PARD6B: variants seen among roughly 807,000 people sequenced by gnomAD.
PARD6B encodes the protein par-6 family cell polarity regulator beta.
Under a neutral mutation model 10.5 loss-of-function variants are expected in PARD6B, and 4 were observed. The observed-to-expected ratio is 0.38, with a 90% CI of 0.19 to 0.87. PARD6B has a LOEUF of 0.87. Among genes scored for constraint, PARD6B ranks in the 40% least tolerant of loss-of-function variants. PARD6B has a pLI of 0.41. For missense variants in PARD6B, 396 were observed against 470.6 expected (o/e 0.84, Z 1.47); for synonymous variants, 169 against 170.4 (o/e 0.99, Z 0.07).
Position 50,751,295 on chromosome 20 carries a change from T to C in PARD6B, c.*807T>C. ...TTTGTTTTTTTATGTTCCTTTCTAATAAATTGTAACAAATGATGTTCTCAA... is the reference window on the plus strand; with the variant it reads ...TTTGTTTTTTTATGTTCCTTTCTAACAAATTGTAACAAATGATGTTCTCAA... On this transcript the variant is annotated 3_prime_UTR_variant, in exon 3 of 3. Transcript: ENST00000371610. The C allele has an allele frequency of 1.0e-6, 1 of 965,338 alleles. No individual in the cohort carries two copies. Among genetic ancestry groups the C allele is most frequent in the Non-Finnish European group, 1.2e-6 (1 of 812,458 alleles). The allele number at this position is 965,338 out of a possible 1,614,324, so 59.8% of individuals were successfully genotyped here. A position where few individuals can be genotyped will look rare whatever the true frequency, so the allele number is the denominator to read the frequency against.
Position 50,749,998 on chromosome 20 carries a change from C to T in PARD6B, c.629C>T (p.Ala210Val), listed in dbSNP as rs781111513. The change falls in exon 3 of 3, where the codon GCT becomes GTT. Residue 210 changes from alanine (A) to valine (V), a missense_variant. Physicochemically the swap from Ala to Val is moderately conservative, Grantham distance 64 (BLOSUM62 0). This residue lies in a region of PARD6B where 208 missense variants were observed against 300.9 expected (regional missense o/e 0.69). Coordinates refer to ENST00000371610, the MANE Select transcript of PARD6B (RefSeq NM_032521.3). ...CTGGCTCAAAGTACAGGACTATTAG[C>T]TGTTAATGATGAAGTTTTAGAAGTT... ...GGLAQSTGLLAVNDEVLEVNG... is the reference protein window; with the variant it reads ...GGLAQSTGLLVVNDEVLEVNG... 1.2e-6 allele frequency: 2 copies of T among 1,614,158 alleles called. No individual in the cohort carries two copies. Among genetic ancestry groups the T allele is most frequent in the Non-Finnish European group, 1.7e-6 (2 of 1,180,032 alleles).
chr20:50,751,124 C>T lies in PARD6B; in HGVS notation c.*636C>T. ...AGCTGGGACCATAGGCACATACCAC[C>T]ACATCTGTCTACTTTTTGTATTTTT... On this transcript the variant is annotated 3_prime_UTR_variant, in exon 3 of 3. Coordinates refer to ENST00000371610, the MANE Select transcript of PARD6B (RefSeq NM_032521.3). The T allele has an allele frequency of 1.9e-6, 1 of 533,994 alleles. No individual in the cohort carries two copies. Among genetic ancestry groups the T allele is most frequent in the Non-Finnish European group, 2.4e-6 (1 of 418,754 alleles). The allele number at this position is 533,994 out of a possible 1,614,324, so 33.1% of individuals were successfully genotyped here.
chr20:50,736,219 A>C (rs1162728234), intron 1 of PARD6B, among the ~76,000 whole-genome samples: 1 of 152,234 alleles, frequency 6.6e-6, no homozygotes, highest in African/African-American at 2.4e-5. Flanking sequence ...TAGATAGAGC[A>C]AAACCAGTGA....
chr20:50,741,589 T>TC (rs2087530822), intron 2 of PARD6B, among the ~76,000 whole-genome samples: 1 of 152,072 alleles, frequency 6.6e-6, no homozygotes, highest in Non-Finnish European at 1.5e-5. Flanking sequence ...GGAGTCTAGC[T>TC]CTGTCCCCCA....
intron 2 of PARD6B, among the ~76,000 whole-genome samples, chr20:50,741,568 G>C (rs1040260111): frequency 3.3e-5 from 5 of 151,608 alleles, no homozygotes; most frequent in African/African-American, 1.2e-4. Flanking sequence ...TTTTTTTTGT[G>C]GAGTGGGGAC....
intron 1 of PARD6B, among the ~76,000 whole-genome samples, chr20:50,734,128 G>A (rs578195911): frequency 2.0e-5 from 3 of 152,262 alleles, no homozygotes; most frequent in African/African-American, 7.2e-5. Context: ...CAAGATATAG[G>A]TAGTGAGTGT....
chr20:50,748,159 A>G (rs973813217), intron 2 of PARD6B, among the ~76,000 whole-genome samples: 21 of 152,238 alleles, frequency 1.4e-4, no homozygotes, highest in African/African-American at 4.6e-4. Context: ...CCTGGCCAAC[A>G]TAGTGAAACC....
Position 50,749,711 on chromosome 20 carries a change from T to C in PARD6B, c.342T>C (p.Asn114=). The part of the protein sequence containing the change: ...FGTDTLIKKK[N]VLTNVLRPDN... Reference sequence around the variant, plus strand: ...CAGACACGCTAATAAAGAAGAAGAATGTTTTAACCAACGTATTGCGTCCTG... The same window carrying C: ...CAGACACGCTAATAAAGAAGAAGAACGTTTTAACCAACGTATTGCGTCCTG... The change falls in exon 3 of 3, where the codon AAT becomes AAC. Residue 114 remains asparagine (N), a synonymous_variant. Coordinates refer to ENST00000371610, the MANE Select transcript of PARD6B (RefSeq NM_032521.3). 6.2e-7 allele frequency: 1 copy of C among 1,612,296 alleles called. No homozygotes were observed. Among genetic ancestry groups the C allele is most frequent in the African/African-American group, 1.3e-5 (1 of 74,896 alleles).
intron 2 of PARD6B, among the ~76,000 whole-genome samples, chr20:50,748,250 A>G (rs1199710832): frequency 6.6e-6 from 1 of 152,238 alleles, no homozygotes; most frequent in East Asian, 1.9e-4. Flanking sequence ...AGGCTAAGGC[A>G]GGAGAATCGC....
In PARD6B at chr20:50,750,446, T is replaced by A. The variant is rs998643801; in HGVS notation, c.1077T>A (p.Asp359Glu). 3 of 1,613,752 alleles carry A rather than the reference T, an allele frequency of 1.9e-6. No homozygotes were observed. Among genetic ancestry groups the A allele is most frequent in the Admixed American group, 3.3e-5 (2 of 59,934 alleles). The stretch of plus-strand genomic sequence containing the variant: ...CGGAATTTGAAACACATGCTCCAGA[T>A]CAAAAACTCTTAGAAGAAGATGGAA... ...SNTEFETHAP[D>E]QKLLEEDGTI... The change falls in exon 3 of 3, where the codon GAT (aspartate) becomes GAA (glutamate). Residue 359 changes from aspartate (D) to glutamate (E), a missense_variant. Around this residue, in one of 2 missense-constraint regions of PARD6B, gnomAD observed 188 missense variants for 169.7 expected, o/e 1.11. Coordinates refer to ENST00000371610, the MANE Select transcript of PARD6B (RefSeq NM_032521.3).
chr20:50,750,716 AC>A lies in PARD6B; in HGVS notation c.*229del. On this transcript the variant is annotated 3_prime_UTR_variant, in exon 3 of 3. Transcript: ENST00000371610. Reference sequence around the variant, plus strand: ...CAAAGGGGCCTTTGCTGATGAAGTTACGTGCTTTTGCTGTTTTGTCTGTGGA... The same window carrying A: ...CAAAGGGGCCTTTGCTGATGAAGTTAGTGCTTTTGCTGTTTTGTCTGTGGA... The A allele has an allele frequency of 7.6e-7, 1 of 1,309,934 alleles. No individual in the cohort carries two copies. Among genetic ancestry groups the A allele is most frequent in the Non-Finnish European group, 9.7e-7 (1 of 1,028,850 alleles). The allele number at this position is 1,309,934 out of a possible 1,614,324, so 81.1% of individuals were successfully genotyped here.
chr20:50,749,140 G>A (rs1217174002), intron 2 of PARD6B, among the ~76,000 whole-genome samples: 1 of 152,132 alleles, frequency 6.6e-6, no homozygotes, highest in African/African-American at 2.4e-5. Flanking sequence ...TCAGGAAATC[G>A]AGACCATCCT....
chr20:50,732,495 G>A (rs529100306), intron 1 of PARD6B, among the ~76,000 whole-genome samples: 2 of 152,152 alleles, frequency 1.3e-5, no homozygotes, highest in Non-Finnish European at 2.9e-5. Context: ...TTGACCAACG[G>A]TATGCCAATC....
chr20:50,744,503 A>G (rs1209671482), intron 2 of PARD6B, among the ~76,000 whole-genome samples: 1 of 152,116 alleles, frequency 6.6e-6, no homozygotes, highest in East Asian at 1.9e-4. Flanking sequence ...TGAGTTCACT[A>G]TCACTGTCTT....
chr20:50,746,874 A>C (rs1240811284), intron 2 of PARD6B, among the ~76,000 whole-genome samples: 1 of 152,202 alleles, frequency 6.6e-6, no homozygotes, highest in East Asian at 1.9e-4. Flanking sequence ...TTAAAACACA[A>C]ATATGTATGA....
Position 50,750,253 on chromosome 20 carries a change from A to T in PARD6B, c.884A>T (p.Asp295Val). 1 of 1,614,244 alleles carries T rather than the reference A, an allele frequency of 6.2e-7. No homozygotes were observed. Among genetic ancestry groups the T allele is most frequent in the Non-Finnish European group, 8.5e-7 (1 of 1,180,040 alleles). Residue 295 changes from aspartate to valine, a missense_variant, in exon 3 of 3, where the codon GAC (aspartate) becomes GTC (valine). Around this residue, in one of 2 missense-constraint regions of PARD6B, gnomAD observed 188 missense variants for 169.7 expected, o/e 1.11. Transcript: ENST00000371610. ...EPEDEDSEED[D>V]IIIEDNGVPQ... ...GAGGATGAAGACAGCGAAGAAGATGACATTATCATTGAAGACAATGGAGTG... is the reference window on the plus strand; with the variant it reads ...GAGGATGAAGACAGCGAAGAAGATGTCATTATCATTGAAGACAATGGAGTG...
At chr20:50,732,818 A>G (rs2087478844) in intron 1 of PARD6B, among the ~76,000 whole-genome samples, 1 of 152,210 alleles carries the variant, frequency 6.6e-6, no homozygotes, top group Non-Finnish European at 1.5e-5. Flanking sequence ...AATACAAAAC[A>G]GGACACTGGC....
chr20:50,739,160 A>G (rs2087515784), intron 2 of PARD6B, among the ~76,000 whole-genome samples: 1 of 152,080 alleles, frequency 6.6e-6, no homozygotes, highest in Non-Finnish European at 1.5e-5. Context: ...AAGTAGCTTG[A>G]GAGCGGCCAG....
intron 2 of PARD6B, among the ~76,000 whole-genome samples, chr20:50,744,105 CTTT>C (rs753435244): frequency 1.3e-5 from 1 of 77,808 alleles, no homozygotes; most frequent in African/African-American, 5.1e-5. Context: ...GAAGTAGCTT[CTTT>C]TTTTTTTTTT....
Sources: gnomAD v4.1 joint callset for allele counts (sites outside exome capture counted in the v4.1 genomes callset) on GRCh38, gnomAD v4.1.1 for gene constraint, gnomAD v4.1.1 regional missense constraint, MANE v1.5 for transcripts, NCBI Gene and HGNC (gene_info 2026-07-23, HGNC 2026-07-21) for gene names.